RABL3: variants seen among roughly 807,000 people sequenced by gnomAD.
RABL3 encodes the protein rab-like protein 3.
Under a neutral mutation model 31.8 loss-of-function variants are expected in RABL3, and 31 were observed. The ratio of observed to expected loss-of-function variants is 0.97; its 90% CI spans 0.73 to 1.31. The LOEUF (loss-of-function observed/expected upper bound fraction) is 1.31. Among genes scored for constraint, RABL3 ranks in the 40% most tolerant of loss-of-function variants. RABL3 has a pLI of 0.00. For missense variants in RABL3, 263 were observed against 279.6 expected, an observed-to-expected ratio of 0.94 and a Z score of 0.42; for synonymous variants, 97 against 99.9, an observed-to-expected ratio of 0.97 and a Z score of 0.18.
chr3:120,709,536 T>A (rs557289622), intron 3 of RABL3, among the ~76,000 whole-genome samples: 1 of 152,240 alleles, frequency 6.6e-6, no homozygotes, highest in African/African-American at 2.4e-5. Flanking sequence ...AATATGATTT[T>A]ATTTCTCAAT....
At chr3:120,733,186 A>G (rs1405492142) in intron 1 of RABL3, among the ~76,000 whole-genome samples, 3 of 152,320 alleles carry the variant, frequency 2.0e-5, no homozygotes, top group Admixed American at 2.0e-4. Flanking sequence ...CCAACAGTGT[A>G]GAAGCGTTCC....
chr3:120,737,102 T>G (rs997859893), intron 1 of RABL3, among the ~76,000 whole-genome samples: 5 of 152,244 alleles, frequency 3.3e-5, no homozygotes, highest in Non-Finnish European at 5.9e-5. Context: ...TTCTCCTGGA[T>G]AATATCCTGC....
rs1272419685 is a variant in RABL3, at chr3:120,705,307, G to A, written c.383+693C>T. Among the ~76,000 whole-genome samples the A allele has an allele frequency of 7.2e-5, 11 of 152,274 alleles. No homozygotes were observed. In the East Asian group the frequency reaches 7.7e-4, roughly 11 times the overall value. The stretch of plus-strand genomic sequence containing the variant: ...AAATTTTTGTCAATATAGACAAGCT[G>A]ATTCTAAAAATTCATGTGGAAAAAC... On this transcript the variant is annotated intron_variant, in intron 4 of 7. Coordinates refer to ENST00000273375, the MANE Select transcript of RABL3 (RefSeq NM_173825.5).
chr3:120,741,251 T>A (rs1001323775), intron 1 of RABL3, among the ~76,000 whole-genome samples: 1 of 152,350 alleles, frequency 6.6e-6, no homozygotes, highest in Admixed American at 6.5e-5. Context: ...CTGATAGAAA[T>A]GAAGTCGACA....
At chr3:120,731,292 G>T (rs1459033198) in intron 1 of RABL3, among the ~76,000 whole-genome samples, 1 of 152,170 alleles carries the variant, frequency 6.6e-6, no homozygotes, top group Admixed American at 6.5e-5. Flanking sequence ...GGGTCTTCCA[G>T]ACTGTGCTTG....
chr3:120,719,708 G>C (rs1468267898), intron 2 of RABL3, among the ~76,000 whole-genome samples: 1 of 152,192 alleles, frequency 6.6e-6, no homozygotes, highest in Non-Finnish European at 1.5e-5. Flanking sequence ...CAGGAAGCTC[G>C]AACTGGGTGG....
intron 2 of RABL3, among the ~76,000 whole-genome samples, chr3:120,713,047 A>G (rs1405113557): frequency 2.0e-5 from 3 of 151,918 alleles, no homozygotes; most frequent in Non-Finnish European, 4.4e-5. Flanking sequence ...TTTTCTCTAA[A>G]TTATTTCAAG....
In RABL3 at chr3:120,702,240, A is replaced by G. The variant is rs552982917; in HGVS notation, c.384-3667T>C. ...CCCAACCTTTTTGGTACCAGAGACT[A>G]GTTTCATGGCAGACAATTTTTCCAT... On this transcript the variant is annotated intron_variant, in intron 4 of 7. Coordinates refer to ENST00000273375, the MANE Select transcript of RABL3 (RefSeq NM_173825.5). 2.0e-5 allele frequency among the ~76,000 whole-genome samples: 3 copies of G among 152,304 alleles called. No homozygotes were observed. In the South Asian group the frequency reaches 6.2e-4, roughly 32 times the overall value.
intron 1 of RABL3, among the ~76,000 whole-genome samples, chr3:120,736,653 T>A (rs1708969830): frequency 6.6e-6 from 1 of 152,176 alleles, no homozygotes; most frequent in African/African-American, 2.4e-5. Context: ...TTTGGCATGT[T>A]TTTGCAGTGG....
Position 120,685,142 on chromosome 3 carries a change from G to C in RABL3, c.*4681C>G, listed in dbSNP as rs1708294959. ...CCAGAGAAGACTATGTCTGAGCCAAGTCCCATAGAGTAAGAGTTGGATAGA... is the reference window on the plus strand; with the variant it reads ...CCAGAGAAGACTATGTCTGAGCCAACTCCCATAGAGTAAGAGTTGGATAGA... On this transcript the variant is annotated 3_prime_UTR_variant, in exon 8 of 8. Coordinates refer to ENST00000273375, the MANE Select transcript of RABL3 (RefSeq NM_173825.5). Among the ~76,000 whole-genome samples, 1 of 152,180 alleles carries C rather than the reference G, an allele frequency of 6.6e-6. No individual in the cohort carries two copies. The highest frequency in any genetic ancestry group is 2.4e-5 in the African/African-American group (1 of 41,454).
At chr3:120,732,671 G>A (rs1175977929) in intron 1 of RABL3, among the ~76,000 whole-genome samples, 4 of 151,584 alleles carry the variant, frequency 2.6e-5, no homozygotes, top group African/African-American at 4.9e-5. Context: ...CCATTAACTC[G>A]TCATTTACAC....
chr3:120,706,253 C>T, intron 3 of RABL3, 139 bp from the exon 4 acceptor site: 2 of 578,284 alleles, frequency 3.5e-6, no homozygotes, highest in Non-Finnish European at 3.0e-6. Flanking sequence ...AACTCAGAGA[C>T]AATTATTTTA....
Position 120,717,259 on chromosome 3 carries a change from C to CA in RABL3, c.139-7351dup, listed in dbSNP as rs1176942432. ...GGGCAACAAGAACAAAACTCCATCT[C>CA]AAAAAAAACAAAAAAAAAAACAACA... On this transcript the variant is annotated intron_variant, in intron 2 of 7. Transcript: ENST00000273375. Among the ~76,000 whole-genome samples the CA allele has an allele frequency of 5.6e-4, 50 of 88,650 alleles. No homozygotes were observed. The East Asian group carries it at 7.1e-3, about 13-fold the overall frequency. The allele number at this position is 88,650 out of a possible 152,430, so 58.2% of individuals were successfully genotyped here. A position where few individuals can be genotyped will look rare whatever the true frequency, so the allele number is the denominator to read the frequency against.
At chr3:120,738,243 A>C (rs1471421780) in intron 1 of RABL3, among the ~76,000 whole-genome samples, 1 of 151,888 alleles carries the variant, frequency 6.6e-6, no homozygotes, top group Admixed American at 6.5e-5. Flanking sequence ...CACCTTGCAG[A>C]TCTCAGACTG....
chr3:120,701,781 T>C (rs1340325544), intron 4 of RABL3, among the ~76,000 whole-genome samples: 1 of 152,216 alleles, frequency 6.6e-6, no homozygotes, highest in Non-Finnish European at 1.5e-5. Flanking sequence ...TTTGAAAGAC[T>C]TGCTTCAATC....
chr3:120,715,992 G>C (rs1194148114), intron 2 of RABL3, among the ~76,000 whole-genome samples: 2 of 152,196 alleles, frequency 1.3e-5, no homozygotes, highest in African/African-American at 4.8e-5. Flanking sequence ...CCTAGCCAAA[G>C]TAAGCAATAA....
chr3:120,703,884 C>T (rs141972273), intron 4 of RABL3, among the ~76,000 whole-genome samples: 69 of 152,210 alleles, frequency 4.5e-4, no homozygotes, highest in Non-Finnish European at 5.6e-4. Context: ...TTGAACAATC[C>T]TAATTACTAA....
intron 4 of RABL3, among the ~76,000 whole-genome samples, chr3:120,701,037 G>C (rs1233594832): frequency 6.6e-6 from 1 of 151,826 alleles, no homozygotes; most frequent in East Asian, 1.9e-4. Context: ...ATCTCCCCTG[G>C]CCCCCTATAG....
chr3:120,737,659 T>C (rs1708987358), intron 1 of RABL3, among the ~76,000 whole-genome samples: 1 of 152,240 alleles, frequency 6.6e-6, no homozygotes, highest in Non-Finnish European at 1.5e-5. Flanking sequence ...TGGTTTTATC[T>C]ACCTTTGGTC....
Sources: gnomAD v4.1 joint callset for allele counts (sites outside exome capture counted in the v4.1 genomes callset) on GRCh38, gnomAD v4.1.1 for gene constraint, MANE v1.5 for transcripts, NCBI Gene and HGNC (gene_info 2026-07-23, HGNC 2026-07-21) for gene names.